CEP295: variants seen among roughly 807,000 people sequenced by gnomAD.
CEP295 encodes centrosomal protein 295, also known as centrosomal protein of 295 kDa.
CEP295 carries 190 observed loss-of-function variants against 291.6 expected under a neutral mutation model. The observed-to-expected ratio is 0.65, with a 90% confidence interval of 0.58 to 0.73. The LOEUF (loss-of-function observed/expected upper bound fraction) is 0.73. CEP295 is among the 30% of genes least tolerant of loss of function. CEP295 has a pLI of 0.00. For missense variants in CEP295, 2,863 were observed against 2,949.4 expected (o/e 0.97, Z 0.68); for synonymous variants, 993 against 1,038.8 (o/e 0.96, Z 0.85).
intron 26 of CEP295, 28 bp from the exon 27 acceptor site, chr11:93,729,586 C>G: frequency 1.3e-6 from 2 of 1,550,106 alleles, no homozygotes; most frequent in Non-Finnish European, 1.7e-6. Context: ...TTGCCTATTT[C>G]TGTCATAAAT....
In CEP295 at chr11:93,691,781, TC is replaced by T; in HGVS notation, c.1429+7del. On this transcript the variant is annotated splice_region_variant and intron_variant, in intron 11 of 29. Transcript: ENST00000325212. ...AAACTCTGGAAAAGAACAAGGTATTTCTTTTTATCACATCCTCAAATTAAAT... is the reference window on the plus strand; with the variant it reads ...AAACTCTGGAAAAGAACAAGGTATTTTTTTTATCACATCCTCAAATTAAAT... 1.3e-6 allele frequency: 2 copies of T among 1,507,760 alleles called. No homozygotes were observed. The highest frequency in any genetic ancestry group is 1.8e-6 in the Non-Finnish European group (2 of 1,115,424). The allele number at this position is 1,507,760 out of a possible 1,614,324, so 93.4% of individuals were successfully genotyped here.
At chr11:93,729,388 T>C in intron 25 of CEP295, 46 bp from the exon 26 acceptor site, 1 of 1,325,340 alleles carries the variant, frequency 7.5e-7, no homozygotes, top group Non-Finnish European at 1.1e-6. Flanking sequence ...CAAGACCCGC[T>C]TAAAGCGTTT....
At chr11:93,666,037 A>G (rs1377483569) in intron 1 of CEP295, among the ~76,000 whole-genome samples, 2 of 152,214 alleles carry the variant, frequency 1.3e-5, no homozygotes. Flanking sequence ...GCTTTTTCAC[A>G]TTTAAGCTCA....
intron 9 of CEP295, among the ~76,000 whole-genome samples, chr11:93,686,371 C>A (rs1951241246): frequency 6.6e-6 from 1 of 151,654 alleles, no homozygotes; most frequent in Non-Finnish European, 1.5e-5. Flanking sequence ...CAGTTATTTT[C>A]ATTGGGAGTA....
intron 22 of CEP295, among the ~76,000 whole-genome samples, chr11:93,725,129 C>T (rs557055156): frequency 6.6e-6 from 1 of 151,936 alleles, no homozygotes; most frequent in African/African-American, 2.4e-5. Context: ...GATGGCATGC[C>T]TGTAGTCCCA....
Position 93,702,656 on chromosome 11 carries a change from A to G in CEP295, c.5452+19A>G. 6.5e-7 allele frequency: 1 copy of G among 1,533,762 alleles called. No individual in the cohort carries two copies. Among genetic ancestry groups the G allele is most frequent in the Non-Finnish European group, 8.8e-7 (1 of 1,138,268 alleles). On this transcript the variant is annotated intron_variant, in intron 16 of 29. Transcript: ENST00000325212. ...CAAAGTGGTAAGATAATTGTGTTTGATTGTAATTATTTCACTGATTATTCC... is the reference window on the plus strand; with the variant it reads ...CAAAGTGGTAAGATAATTGTGTTTGGTTGTAATTATTTCACTGATTATTCC...
At chr11:93,686,229 T>G (rs10831092) in intron 9 of CEP295, among the ~76,000 whole-genome samples, 139,626 of 151,924 alleles carry the variant, frequency 0.92, 64,965 homozygotes, top group East Asian at 1. Flanking sequence ...TGAGGCAGGA[T>G]AATCGCTTGA....
At chr11:93,682,927 C>G (rs556430113) in intron 7 of CEP295, among the ~76,000 whole-genome samples, 1 of 152,190 alleles carries the variant, frequency 6.6e-6, no homozygotes, top group Non-Finnish European at 1.5e-5. Context: ...TCCCAAGGAA[C>G]AAGAAGTCTT....
In CEP295 at chr11:93,698,379, G is replaced by T. The variant is rs1262867288; in HGVS notation, c.3467G>T (p.Ser1156Ile). 1.9e-6 allele frequency: 3 copies of T among 1,552,038 alleles called. No homozygotes were observed. Among genetic ancestry groups the T allele is most frequent in the African/African-American group, 2.7e-5 (2 of 73,024 alleles). Residue 1156 changes from serine to isoleucine, a missense_variant, in exon 15 of 30, where the codon AGC becomes ATC. Physicochemically the swap from Ser to Ile is moderately radical, Grantham distance 142. Transcript: ENST00000325212. ...AAGTCTCTTAGTTTTCCACAGCATA[G>T]CCTGGCACAGCAAGAAAATTTGACA... ...QDKSLSFPQH[S>I]LAQQENLTIL...
intron 10 of CEP295, 27 bp from the exon 11 acceptor site, chr11:93,691,656 A>C (rs1309004861): frequency 4.4e-6 from 6 of 1,379,240 alleles, no homozygotes; most frequent in Non-Finnish European, 6.0e-6. Context: ...TATATATTCA[A>C]AATAACAGTG....
At chr11:93,701,696 C>T (rs1438481419) in intron 15 of CEP295, among the ~76,000 whole-genome samples, 1 of 152,082 alleles carries the variant, frequency 6.6e-6, no homozygotes, top group African/African-American at 2.4e-5. Flanking sequence ...CTCTGATTCC[C>T]TGGTTCAAGC....
chr11:93,697,214 T>C lies in CEP295; in HGVS notation c.2302T>C (p.Leu768=). The change falls in exon 15 of 30, where the codon TTG becomes CTG. Residue 768 remains leucine (L), a synonymous_variant. Transcript: ENST00000325212. The part of the protein sequence containing the change: ...TTFQSLESQQ[L]FSENSENISY... ...TTTTCAAAGTTTAGAATCCCAACAA[T>C]TGTTCTCAGAGAATAGTGAAAATAT... is the stretch of plus-strand genomic sequence containing the variant. 6.4e-7 allele frequency: 1 copy of C among 1,551,752 alleles called. No homozygotes were observed.
At chr11:93,695,669 A>AAT (rs1951810158) in intron 13 of CEP295, 35 bp downstream of exon 13, 1 of 1,472,852 alleles carries the variant, frequency 6.8e-7, no homozygotes, top group South Asian at 1.4e-5. Flanking sequence ...TACATAAATC[A>AAT]TTTGGTAAGG....
chr11:93,718,746 A>G (rs907443062), intron 18 of CEP295, among the ~76,000 whole-genome samples: 2 of 152,240 alleles, frequency 1.3e-5, no homozygotes, highest in African/African-American at 4.8e-5. Flanking sequence ...ATTAAAACTC[A>G]CTATAAAATT....
intron 22 of CEP295, 70 bp downstream of exon 22, chr11:93,724,445 A>G: frequency 7.0e-7 from 1 of 1,437,336 alleles, no homozygotes; most frequent in Non-Finnish European, 9.5e-7. Context: ...TTCTACTGGA[A>G]CAAAAGTTCT....
rs1321772448 is a variant in CEP295, at chr11:93,698,478, C to T, written c.3566C>T (p.Thr1189Ile). Residue 1189 changes from threonine to isoleucine, a missense_variant, in exon 15 of 30, where the codon ACA (threonine) becomes ATA (isoleucine). Coordinates refer to ENST00000325212, the MANE Select transcript of CEP295 (RefSeq NM_033395.2). Reference protein sequence around the residue: ...AKEGTQEFVHTESELEKRISS... With the variant: ...AKEGTQEFVHIESELEKRISS... ...GAAGGAACTCAGGAATTTGTACACA[C>T]AGAAAGTGAATTGGAGAAAAGAATT... 1 of 1,551,958 alleles carries T rather than the reference C, an allele frequency of 6.4e-7. No individual in the cohort carries two copies.
At chr11:93,717,493 A>G (rs759322236) in intron 18 of CEP295, among the ~76,000 whole-genome samples, 18 of 152,200 alleles carry the variant, frequency 1.2e-4, no homozygotes, top group Non-Finnish European at 2.4e-4. Flanking sequence ...GAAGGATTCA[A>G]GGAAACAGAG....
At chr11:93,688,826 C>T (rs1330786192) in intron 10 of CEP295, among the ~76,000 whole-genome samples, 1 of 152,128 alleles carries the variant, frequency 6.6e-6, no homozygotes, top group African/African-American at 2.4e-5. Context: ...TTAACTGTTT[C>T]CTTCTCTTGT....
intron 1 of CEP295, among the ~76,000 whole-genome samples, chr11:93,662,025 G>A (rs114194224): frequency 6.6e-6 from 1 of 152,274 alleles, no homozygotes; most frequent in African/African-American, 2.4e-5. Flanking sequence ...TCCTGGGGTC[G>A]GGTCGCGCGA....
Sources: gnomAD v4.1 joint callset for allele counts (sites outside exome capture counted in the v4.1 genomes callset) on GRCh38, gnomAD v4.1.1 for gene constraint, MANE v1.5 for transcripts, NCBI Gene and HGNC (gene_info 2026-07-23, HGNC 2026-07-21) for gene names.